Variants in SKI observed in about 807,000 individuals in gnomAD.
The protein encoded by SKI is SKI proto-oncogene, also known as ski oncogene.
In SKI, 23 loss-of-function variants were observed where a neutral mutation model predicts 59.3. The observed-to-expected ratio is 0.39, with a 90% confidence interval of 0.28 to 0.55. SKI has a LOEUF of 0.55. Among genes scored for constraint, SKI ranks in the 20% least tolerant of loss-of-function variants. The pLI is 0.67. For missense variants in SKI, 1,017 were observed against 1,038.9 expected (o/e 0.98, Z 0.29); for synonymous variants, 673 against 488.6 (o/e 1.38, Z -4.98).
chr1:2,228,711 G>A lies in SKI; in HGVS notation c.-56G>A. 1.0e-6 allele frequency: 1 copy of A among 981,050 alleles called. No individual in the cohort carries two copies. The highest frequency in any genetic ancestry group is 1.2e-6 in the Non-Finnish European group (1 of 827,144). 60.8% of individuals were successfully genotyped at this position (981,050 alleles called of 1,614,324 possible). The stretch of plus-strand genomic sequence containing the variant: ...CGGGGCGCGCGGGGCGGCGGCGGGG[G>A]CCGGGGGGGCCCGGGCGCGCGGGAG... On this transcript the variant is annotated 5_prime_UTR_variant, in exon 1 of 7. Transcript: ENST00000378536.
At position 2,303,735 on chromosome 1, in the gene SKI, G is replaced by C; in HGVS notation, c.1212-105G>C. On this transcript the variant is annotated intron_variant, in intron 3 of 6. Coordinates refer to ENST00000378536, the MANE Select transcript of SKI (RefSeq NM_003036.4). The surrounding 1 kb of genome is among the most constrained non-coding windows in gnomAD (Gnocchi z 5.6). ...GCTTGACTTGAAGATTCGGAGCTGG[G>C]AAAGTCTTTCCTGTTTAACACCTTC... The C allele has an allele frequency of 6.9e-7, 1 of 1,442,188 alleles. No homozygotes were observed. The highest frequency in any genetic ancestry group is 9.5e-7 in the Non-Finnish European group (1 of 1,051,252). The allele number at this position is 1,442,188 out of a possible 1,614,324, so 89.3% of individuals were successfully genotyped here.
chr1:2,262,977 G>A (rs1639420400), intron 1 of SKI, among the ~76,000 whole-genome samples: 1 of 151,904 alleles, frequency 6.6e-6, no homozygotes, highest in African/African-American at 2.4e-5. Context: ...TCGGCTCACT[G>A]TAACCCCCGC....
Position 2,303,804 on chromosome 1 carries a change from CAG to C in SKI, c.1212-33_1212-32del. 6.2e-7 allele frequency: 1 copy of C among 1,610,122 alleles called. No individual in the cohort carries two copies. The highest frequency in any genetic ancestry group is 8.5e-7 in the Non-Finnish European group (1 of 1,179,080). The stretch of plus-strand genomic sequence containing the variant: ...GATGTGTCTGGGTGGTGCTTGGGGA[CAG>C]AGGCACCTTCCCGACACCCGCCTGC... On this transcript the variant is annotated intron_variant, in intron 3 of 6. Transcript: ENST00000378536. This position sits in a 1 kb window ranked among gnomAD's most constrained non-coding sequence, Gnocchi z 5.6.
chr1:2,283,851 C>T (rs1236382547), intron 1 of SKI, among the ~76,000 whole-genome samples: 1 of 152,222 alleles, frequency 6.6e-6, no homozygotes, highest in Non-Finnish European at 1.5e-5. Context: ...TCGTGGGCGT[C>T]TGCTGGGGCT....
chr1:2,257,682 T>C (rs904557274), intron 1 of SKI, among the ~76,000 whole-genome samples: 1 of 152,224 alleles, frequency 6.6e-6, no homozygotes, highest in Non-Finnish European at 1.5e-5. Flanking sequence ...TATATCTTCT[T>C]GACATGTTTC....
At chr1:2,283,045 G>A (rs569976204) in intron 1 of SKI, among the ~76,000 whole-genome samples, 11 of 152,320 alleles carry the variant, frequency 7.2e-5, no homozygotes, top group South Asian at 6.2e-4. Flanking sequence ...CTGTGGGGGC[G>A]CAGGCATCTT....
In SKI at chr1:2,282,948, G is replaced by A. The variant is rs554080546; in HGVS notation, c.970-20030G>A. On this transcript the variant is annotated intron_variant, in intron 1 of 6. Coordinates refer to ENST00000378536, the MANE Select transcript of SKI (RefSeq NM_003036.4). ...TGTGTACACTGAAGAGGAGGCTGGGGTCCTGTGTGCACCTGGCCCGCTTCC... is the reference window on the plus strand; with the variant it reads ...TGTGTACACTGAAGAGGAGGCTGGGATCCTGTGTGCACCTGGCCCGCTTCC... Among the ~76,000 whole-genome samples, 46 of 152,296 alleles carry A rather than the reference G, an allele frequency of 3.0e-4. 1 individual carries two copies. The highest frequency in any genetic ancestry group is 9.6e-4 in the African/African-American group (40 of 41,566).
chr1:2,302,594 G>T (rs1415072462), intron 1 of SKI, among the ~76,000 whole-genome samples: 1 of 148,586 alleles, frequency 6.7e-6, no homozygotes, highest in African/African-American at 2.4e-5. Context: ...CTAGGAAAGG[G>T]GTTTGGCAGG....
At chr1:2,277,711 C>G (rs899878031) in intron 1 of SKI, among the ~76,000 whole-genome samples, 2 of 145,688 alleles carry the variant, frequency 1.4e-5, no homozygotes, top group African/African-American at 5.1e-5. Flanking sequence ...CGTGCACACA[C>G]ACGTCAGTCC....
intron 1 of SKI, among the ~76,000 whole-genome samples, chr1:2,248,908 C>A (rs1639056784): frequency 6.6e-6 from 1 of 152,198 alleles, no homozygotes; most frequent in African/African-American, 2.4e-5. Flanking sequence ...TCCCATTGGC[C>A]CCTCTCCTGT....
intron 1 of SKI, among the ~76,000 whole-genome samples, chr1:2,237,814 C>G (rs1167993958): frequency 2.0e-5 from 3 of 152,264 alleles, no homozygotes; most frequent in Admixed American, 1.3e-4. Flanking sequence ...TGGCCGGGTG[C>G]TGAGCTCGTC....
In SKI at chr1:2,285,870, G is replaced by GTTT. The variant is rs77227502; in HGVS notation, c.970-17089_970-17087dup. Among the ~76,000 whole-genome samples the GTTT allele has an allele frequency of 2.9e-3, 297 of 102,696 alleles. 2 individuals carry two copies. Among genetic ancestry groups the GTTT allele is most frequent in the South Asian group, 5.3e-3 (15 of 2,856 alleles). The allele number at this position is 102,696 out of a possible 152,430, so 67.4% of individuals were successfully genotyped here. A position where few individuals can be genotyped will look rare whatever the true frequency, so the allele number is the denominator to read the frequency against. On this transcript the variant is annotated intron_variant, in intron 1 of 6. Transcript: ENST00000378536. ...CGTGAGCCACCGCACCAGCCAGAAG[G>GTTT]TTTTTTTTTTTTTTTTTTTTTGAAA...
chr1:2,241,233 T>G (rs961982068), intron 1 of SKI, among the ~76,000 whole-genome samples: 4 of 152,216 alleles, frequency 2.6e-5, no homozygotes, highest in African/African-American at 9.6e-5. Flanking sequence ...CTTAAATATG[T>G]CTGTGGACTT....
intron 1 of SKI, among the ~76,000 whole-genome samples, chr1:2,298,884 G>A (rs1569849390): frequency 6.6e-6 from 1 of 152,202 alleles, no homozygotes; most frequent in South Asian, 2.1e-4. Flanking sequence ...TGTGGTGCTT[G>A]CCCACTACTC....
At chr1:2,230,199 G>T (rs75096312) in intron 1 of SKI, among the ~76,000 whole-genome samples, 1 of 152,228 alleles carries the variant, frequency 6.6e-6, no homozygotes, top group East Asian at 1.9e-4. Context: ...AAGACGGAGG[G>T]CTGCCTGCCT....
At chr1:2,301,428 T>C (rs1640423984) in intron 1 of SKI, among the ~76,000 whole-genome samples, 1 of 149,454 alleles carries the variant, frequency 6.7e-6, no homozygotes, top group South Asian at 2.1e-4. Flanking sequence ...CGAGCACTTA[T>C]CTTTCTCCCT....
At chr1:2,275,701 A>C (rs1020877188) in intron 1 of SKI, among the ~76,000 whole-genome samples, 2 of 152,058 alleles carry the variant, frequency 1.3e-5, no homozygotes, top group African/African-American at 4.8e-5. Context: ...TTTAGTAGAG[A>C]CGGGGTTTCA....
intron 1 of SKI, among the ~76,000 whole-genome samples, chr1:2,265,406 C>G (rs566771288): frequency 7.9e-5 from 12 of 152,274 alleles, no homozygotes; most frequent in African/African-American, 2.9e-4. Context: ...ATGTCTCCTC[C>G]ACGGTTAATC....
intron 1 of SKI, among the ~76,000 whole-genome samples, chr1:2,279,566 C>T (rs553085327): frequency 1.6e-4 from 24 of 151,986 alleles, no homozygotes; most frequent in African/African-American, 5.1e-4. Flanking sequence ...GACAACAGCT[C>T]CAGCTGCAGG....
Sources: allele counts gnomAD v4.1 joint callset (sites outside exome capture counted in the v4.1 genomes callset), GRCh38; gene constraint gnomAD v4.1.1; non-coding constraint Gnocchi (gnomAD v3.1); transcripts MANE v1.5; gene names NCBI Gene and HGNC (gene_info 2026-07-23, HGNC 2026-07-21).